The following GPC6 variants were observed in gnomAD, a reference collection of about 807,000 sequenced individuals.
The protein encoded by GPC6 is glypican-6.
A neutral mutation model predicts 55.2 loss-of-function variants in GPC6; 14 were observed. The observed-to-expected ratio is 0.25, with a 90% CI of 0.17 to 0.40. The LOEUF is 0.40. GPC6 is among the 10% of genes least tolerant of loss of function. The probability of loss-of-function intolerance (pLI) is 1.00; values close to 1 mark genes in which losing one functional copy is unlikely to be tolerated. For missense variants in GPC6, 641 were observed against 708.5 expected (o/e 0.90, Z 1.08); for synonymous variants, 278 against 259.6 (o/e 1.07, Z -0.68).
At chr13:94,179,762 G>A (rs1888917567) in intron 4 of GPC6, among the ~76,000 whole-genome samples, 1 of 152,068 alleles carries the variant, frequency 6.6e-6, no homozygotes, top group Non-Finnish European at 1.5e-5. Context: ...TTTCCTGGGA[G>A]GTAATACCAC....
At chr13:94,237,408 C>A (rs1264897694) in intron 4 of GPC6, among the ~76,000 whole-genome samples, 1 of 152,158 alleles carries the variant, frequency 6.6e-6, no homozygotes, top group Middle Eastern at 3.4e-3. Context: ...GACAACTACA[C>A]CTGTGAAAAA....
chr13:94,360,960 A>T (rs1879033047), intron 6 of GPC6, among the ~76,000 whole-genome samples: 1 of 152,204 alleles, frequency 6.6e-6, no homozygotes. Flanking sequence ...GGTTGTGGTG[A>T]TTAAACAATA....
intron 4 of GPC6, among the ~76,000 whole-genome samples, chr13:94,082,572 C>T (rs1048167790): frequency 6.6e-6 from 1 of 152,136 alleles, no homozygotes; most frequent in Non-Finnish European, 1.5e-5. Flanking sequence ...TTAGAGAATT[C>T]AAAGACATAA....
chr13:94,333,073 G>C (rs1423802302), intron 6 of GPC6, among the ~76,000 whole-genome samples: 4 of 152,080 alleles, frequency 2.6e-5, no homozygotes, highest in Non-Finnish European at 5.9e-5. Flanking sequence ...GTCTTCATCT[G>C]CTTTATGAAT....
At chr13:93,671,089 G>A (rs1318497089) in intron 2 of GPC6, among the ~76,000 whole-genome samples, 1 of 152,082 alleles carries the variant, frequency 6.6e-6, no homozygotes, top group African/African-American at 2.4e-5. Context: ...AGCAGCATTT[G>A]CCAAAGTCTG....
chr13:94,295,226 A>T (rs1232017588), intron 5 of GPC6, among the ~76,000 whole-genome samples: 1 of 152,168 alleles, frequency 6.6e-6, no homozygotes. Context: ...AATGAGAATG[A>T]CTATAGTACC....
intron 6 of GPC6, among the ~76,000 whole-genome samples, chr13:94,334,423 T>G (rs547984588): frequency 6.6e-5 from 10 of 152,328 alleles, no homozygotes; most frequent in African/African-American, 2.4e-4. Flanking sequence ...CAAATCTTTC[T>G]AAAGTAGAGT....
chr13:93,816,152 T>G (rs952014766), intron 2 of GPC6, among the ~76,000 whole-genome samples: 2 of 152,146 alleles, frequency 1.3e-5, no homozygotes, highest in East Asian at 3.9e-4. Context: ...TTTAGTTTGG[T>G]CTGATATCTA....
chr13:93,930,640 C>T (rs1401306378), intron 3 of GPC6, among the ~76,000 whole-genome samples: 1 of 152,000 alleles, frequency 6.6e-6, no homozygotes, highest in African/African-American at 2.4e-5. Context: ...ACCACTCTAG[C>T]AGGGCATGGA....
chr13:93,958,292 A>G (rs1173936161), intron 3 of GPC6, among the ~76,000 whole-genome samples: 1 of 152,094 alleles, frequency 6.6e-6, no homozygotes, highest in Non-Finnish European at 1.5e-5. Flanking sequence ...TTTGCCAAAG[A>G]AGAATATTTT....
upstream of GPC6, chr13:93,226,779 A>G (rs538070656): frequency 3.3e-5 from 5 of 152,114 alleles, no homozygotes; most frequent in Non-Finnish European, 7.3e-5. Context: ...CGGCTGTGCA[A>G]TGTGTAGCAC....
In GPC6 at chr13:93,573,545, A is replaced by T. The variant is rs148435094; in HGVS notation, c.319+28124A>T. Among the ~76,000 whole-genome samples, 345 of 152,258 alleles carry T rather than the reference A, an allele frequency of 2.3e-3. 2 individuals carry two copies. Among genetic ancestry groups the T allele is most frequent in the African/African-American group, 8.2e-3 (339 of 41,564 alleles). Reference sequence around the variant, plus strand: ...TTATATAGAAGAGATTTTCAAAACCAACCAATCAAACAGTAACAACAAAAA... The same window carrying T: ...TTATATAGAAGAGATTTTCAAAACCTACCAATCAAACAGTAACAACAAAAA... On this transcript the variant is annotated intron_variant, in intron 2 of 8. Coordinates refer to ENST00000377047, the MANE Select transcript of GPC6 (RefSeq NM_005708.5).
chr13:93,903,029 A>G (rs1289497854), intron 3 of GPC6, among the ~76,000 whole-genome samples: 1 of 152,232 alleles, frequency 6.6e-6, no homozygotes, highest in African/African-American at 2.4e-5. Context: ...ATATTCACAC[A>G]GGTAGACCCC....
Position 93,804,837 on chromosome 13 carries a change from T to C in GPC6, c.320-25317T>C, listed in dbSNP as rs1363237578. ...TTCTCCATGTAATAGCTGCATGACG[T>C]TGGCACATCACTTAAAACTCCCTGA... On this transcript the variant is annotated intron_variant, in intron 2 of 8. Coordinates refer to ENST00000377047, the MANE Select transcript of GPC6 (RefSeq NM_005708.5). 2.6e-5 allele frequency among the ~76,000 whole-genome samples: 4 copies of C among 152,284 alleles called. No individual in the cohort carries two copies. The East Asian group carries it at 5.8e-4, about 22-fold the overall frequency.
intron 1 of GPC6, among the ~76,000 whole-genome samples, chr13:93,390,998 T>C (rs552517609): frequency 6.6e-6 from 1 of 152,152 alleles, no homozygotes; most frequent in South Asian, 2.1e-4. Context: ...TCTTTTATTA[T>C]GGGGAAGAAT....
At chr13:94,304,436 G>C (rs573589397) in intron 5 of GPC6, among the ~76,000 whole-genome samples, 1 of 152,340 alleles carries the variant, frequency 6.6e-6, no homozygotes, top group South Asian at 2.1e-4. Context: ...TTGTTTTAGA[G>C]TTAGACAACA....
At chr13:93,244,894 A>C (rs2139020034) in intron 1 of GPC6, among the ~76,000 whole-genome samples, 1 of 152,232 alleles carries the variant, frequency 6.6e-6, no homozygotes, top group Admixed American at 6.5e-5. Context: ...CAAAAGGGTG[A>C]CGCACACTAA....
At chr13:93,820,548 GT>G (rs1454389363) in intron 2 of GPC6, among the ~76,000 whole-genome samples, 1 of 151,280 alleles carries the variant, frequency 6.6e-6, no homozygotes, top group African/African-American at 2.4e-5. Context: ...GCCTTTGATA[GT>G]TTTTGTAAGA....
At chr13:93,262,097 C>T (rs1287101895) in intron 1 of GPC6, among the ~76,000 whole-genome samples, 1 of 152,096 alleles carries the variant, frequency 6.6e-6, no homozygotes, top group East Asian at 1.9e-4. Flanking sequence ...CCCCTCAACC[C>T]TTAGCTTTTC....
Sources: gnomAD v4.1 joint callset for allele counts (sites outside exome capture counted in the v4.1 genomes callset) on GRCh38, gnomAD v4.1.1 for gene constraint, MANE v1.5 for transcripts, NCBI Gene and HGNC (gene_info 2026-07-23, HGNC 2026-07-21) for gene names.